Variants in DCAF6 observed in about 807,000 individuals in gnomAD.
DCAF6 encodes the protein DDB1 and CUL4 associated factor 6.
DCAF6 carries 54 observed loss-of-function variants against 125.1 expected under a neutral mutation model. The observed-to-expected ratio is 0.43, with a 90% CI of 0.35 to 0.54. DCAF6 has a LOEUF of 0.54. DCAF6 is among the 20% of genes least tolerant of loss of function. The probability of loss-of-function intolerance (pLI) is 0.01; values close to 1 mark genes in which losing one functional copy is unlikely to be tolerated. For missense variants in DCAF6, 934 were observed against 1,161.7 expected, an observed-to-expected ratio of 0.80 and a Z score of 2.85; for synonymous variants, 371 against 390.4, an observed-to-expected ratio of 0.95 and a Z score of 0.58.
intron 4 of DCAF6, among the ~76,000 whole-genome samples, chr1:167,981,538 C>G (rs560921106): frequency 4.6e-5 from 7 of 152,270 alleles, no homozygotes; most frequent in African/African-American, 1.7e-4. Flanking sequence ...TTTCTCCCTC[C>G]CTGCTCTACT....
At chr1:168,016,718 T>C (rs1685022094) in intron 11 of DCAF6, among the ~76,000 whole-genome samples, 1 of 152,162 alleles carries the variant, frequency 6.6e-6, no homozygotes, top group African/African-American at 2.4e-5. Context: ...AACTTAGTTA[T>C]TTCAAGATGG....
intron 3 of DCAF6, among the ~76,000 whole-genome samples, chr1:167,968,899 C>T (rs1185987244): frequency 1.1e-4 from 16 of 152,150 alleles, no homozygotes; most frequent in Admixed American, 1.0e-3. Context: ...TGATAAGTGG[C>T]ACAGTAGTCT....
At chr1:167,948,277 G>A (rs953372987) in intron 1 of DCAF6, among the ~76,000 whole-genome samples, 2 of 151,916 alleles carry the variant, frequency 1.3e-5, no homozygotes, top group East Asian at 3.9e-4. Flanking sequence ...GGTGATTGCT[G>A]AGCCTCTCAT....
chr1:168,051,856 A>G (rs1410502771), intron 17 of DCAF6, among the ~76,000 whole-genome samples: 1 of 151,438 alleles, frequency 6.6e-6, no homozygotes, highest in Non-Finnish European at 1.5e-5. Context: ...TAACTTTTTC[A>G]AATTATTACT....
At chr1:168,060,797 G>C (rs1462132131) in intron 17 of DCAF6, among the ~76,000 whole-genome samples, 2 of 152,164 alleles carry the variant, frequency 1.3e-5, no homozygotes, top group Non-Finnish European at 2.9e-5. Flanking sequence ...GCTGAGGCAG[G>C]AGAATTGCTT....
At chr1:167,869,083 A>G in the DCAF6 span, among the ~76,000 whole-genome samples, 1 of 152,262 alleles carries the variant, frequency 6.6e-6, no homozygotes, top group Admixed American at 6.5e-5. Flanking sequence ...ACGTAGTTAA[A>G]GACATAGTTA....
At chr1:168,053,166 T>C (rs1477666849) in intron 17 of DCAF6, among the ~76,000 whole-genome samples, 8 of 152,180 alleles carry the variant, frequency 5.3e-5, no homozygotes, top group Non-Finnish European at 1.0e-4. Flanking sequence ...TCCTGGCCCA[T>C]ATATTCCCTA....
In DCAF6 at chr1:168,057,341, A is replaced by G. The variant is rs555562401; in HGVS notation, c.2301-6280A>G. Among the ~76,000 whole-genome samples the G allele has an allele frequency of 2.0e-5, 3 of 152,258 alleles. No homozygotes were observed. The East Asian group carries it at 5.8e-4, about 29-fold the overall frequency. Reference sequence around the variant, plus strand: ...CGGGTTTATAGACTGTTTCTGCTTCATGTAACTTCATACTTTAACCTTGGA... The same window carrying G: ...CGGGTTTATAGACTGTTTCTGCTTCGTGTAACTTCATACTTTAACCTTGGA... On this transcript the variant is annotated intron_variant, in intron 17 of 21. Transcript: ENST00000367840.
intron 12 of DCAF6, among the ~76,000 whole-genome samples, chr1:168,036,598 A>T (rs1166310969): frequency 1.3e-5 from 2 of 152,244 alleles, no homozygotes; most frequent in African/African-American, 4.8e-5. Flanking sequence ...TCAGTAACAT[A>T]ACTAAAGAAT....
upstream of DCAF6, among the ~76,000 whole-genome samples, chr1:167,934,173 T>A (rs1215959948): frequency 6.6e-6 from 1 of 152,204 alleles, no homozygotes; most frequent in Non-Finnish European, 1.5e-5. Context: ...GAAAGCTGAG[T>A]AGTATTTTAA....
rs894872834 is a variant in DCAF6, at chr1:167,991,189, T to C, written c.553-15T>C. The C allele has an allele frequency of 6.2e-7, 1 of 1,604,756 alleles. No individual in the cohort carries two copies. The highest frequency in any genetic ancestry group is 8.5e-7 in the Non-Finnish European group (1 of 1,176,044). ...GTATAACTATATGTAATTGGTATTA[T>C]GTTATGTTTTGTAGGATATTTTAAT... On this transcript the variant is annotated splice_polypyrimidine_tract_variant and intron_variant, in intron 5 of 21. Coordinates refer to ENST00000367840, the MANE Select transcript of DCAF6 (RefSeq NM_001198956.2).
At chr1:167,883,008 A>G in the DCAF6 span, among the ~76,000 whole-genome samples, 2 of 152,202 alleles carry the variant, frequency 1.3e-5, no homozygotes, top group Non-Finnish European at 1.5e-5. Context: ...AGTTATAATT[A>G]TAAACAAAGA....
intron 1 of DCAF6, among the ~76,000 whole-genome samples, chr1:167,942,314 T>TCGGCCTC (rs1672375945): frequency 6.6e-6 from 1 of 152,218 alleles, no homozygotes; most frequent in African/African-American, 2.4e-5. Context: ...TTGACCTGCT[T>TCGGCCTC]CGGCCTCCCA....
At chr1:167,990,575 G>A (rs982054935) in intron 5 of DCAF6, among the ~76,000 whole-genome samples, 3 of 152,018 alleles carry the variant, frequency 2.0e-5, no homozygotes, top group African/African-American at 7.2e-5. Flanking sequence ...ATGAGTATGG[G>A]AATATTTAAC....
chr1:168,003,846 CTGA>C (rs1203139816), intron 8 of DCAF6, 21 bp from the exon 9 acceptor site: 2 of 1,574,134 alleles, frequency 1.3e-6, no homozygotes, highest in African/African-American at 2.7e-5. Flanking sequence ...ACTAAACTCA[CTGA>C]TAAGACCTAT....
intron 5 of DCAF6, among the ~76,000 whole-genome samples, chr1:167,989,742 G>C (rs563873975): frequency 6.6e-6 from 1 of 152,032 alleles, no homozygotes; most frequent in Non-Finnish European, 1.5e-5. Flanking sequence ...ATAGCCAGGC[G>C]TGGTGGCACA....
At chr1:168,037,599 T>G (rs1272144602) in intron 12 of DCAF6, among the ~76,000 whole-genome samples, 2 of 152,140 alleles carry the variant, frequency 1.3e-5, no homozygotes, top group African/African-American at 4.8e-5. Context: ...GAAGGTAGCT[T>G]TAAATACTCT....
At chr1:167,937,608 A>G (rs777333676) in intron 1 of DCAF6, among the ~76,000 whole-genome samples, 4 of 152,164 alleles carry the variant, frequency 2.6e-5, no homozygotes, top group Admixed American at 2.6e-4. Context: ...TGACCGCTTA[A>G]AGGTGGTGTA....
the DCAF6 span, among the ~76,000 whole-genome samples, chr1:167,930,040 C>T: frequency 2.0e-5 from 3 of 152,052 alleles, no homozygotes; most frequent in Admixed American, 6.5e-5. Context: ...TGGATACTGA[C>T]GGCCAAAAAA....
Sources: allele counts gnomAD v4.1 joint callset (sites outside exome capture counted in the v4.1 genomes callset), GRCh38; gene constraint gnomAD v4.1.1; transcripts MANE v1.5; gene names NCBI Gene and HGNC (gene_info 2026-07-23, HGNC 2026-07-21).